PCYT1B: variants seen among roughly 807,000 people sequenced by gnomAD.
The protein encoded by PCYT1B is phosphate cytidylyltransferase 1B, choline, also known as choline-phosphate cytidylyltransferase B.
In PCYT1B, 10 loss-of-function variants were observed where a neutral mutation model predicts 26.4. The ratio of observed to expected loss-of-function variants is 0.38; its 90% confidence interval spans 0.23 to 0.64. The LOEUF (loss-of-function observed/expected upper bound fraction) is 0.64, where lower values mean the gene tolerates loss of function less well. PCYT1B is among the 30% of genes least tolerant of loss of function. The pLI is 0.56. For missense variants in PCYT1B, 161 were observed against 292.7 expected, an observed-to-expected ratio of 0.55 and a Z score of 3.28; for synonymous variants, 131 against 108.4, an observed-to-expected ratio of 1.21 and a Z score of -1.29.
intron 1 of PCYT1B, among the ~76,000 whole-genome samples, chrX:24,666,099 G>A (rs1183212966): frequency 1.8e-5 from 2 of 111,136 alleles, no homozygotes; most frequent in Non-Finnish European, 3.8e-5. Context: ...GGGTCAAGTT[G>A]GAGTTGGTCC....
At chrX:24,641,139 G>T (rs1402703854) in intron 1 of PCYT1B, among the ~76,000 whole-genome samples, 2 of 111,260 alleles carry the variant, frequency 1.8e-5, no homozygotes, top group Admixed American at 1.9e-4. Flanking sequence ...TCACCAGGTT[G>T]GCCAGGCTGG....
intron 1 of PCYT1B, chrX:24,657,952 A>G (rs1025222418): frequency 9.0e-6 from 1 of 111,661 alleles, no homozygotes; most frequent in African/African-American, 3.3e-5. Context: ...GGGTGACCAT[A>G]TGTACACTTC....
In PCYT1B at chrX:24,561,962, G is replaced by T. The variant is rs3196061; in HGVS notation, c.*331C>A. ...GCTGCCACAGGTGGTTTACTTGGTG[G>T]GGGTGGTGGAAGGACCAAAGCAGAA... On this transcript the variant is annotated 3_prime_UTR_variant, in exon 8 of 8. Coordinates refer to ENST00000379144, the MANE Select transcript of PCYT1B (RefSeq NM_004845.5). 3.1e-6 allele frequency: 2 copies of T among 637,573 alleles called. No homozygotes were observed. Among genetic ancestry groups the T allele is most frequent in the Non-Finnish European group, 5.0e-6 (2 of 398,529 alleles). 52.5% of individuals were successfully genotyped at this position (637,573 alleles called of 1,213,427 possible). A position where few individuals can be genotyped will look rare whatever the true frequency, so the allele number is the denominator to read the frequency against.
intron 1 of PCYT1B, among the ~76,000 whole-genome samples, chrX:24,654,787 AGAAG>A (rs1457938499): frequency 1.9e-5 from 2 of 105,554 alleles, no homozygotes; most frequent in African/African-American, 6.9e-5. Flanking sequence ...TGTATCATGA[AGAAG>A]GAAGGGAGGA....
At position 24,559,358 on chromosome X, in the gene PCYT1B, G is replaced by A. The variant is rs1602139841; in HGVS notation, c.*2935C>T. 4 of 79,036 alleles carry A rather than the reference G, an allele frequency of 5.1e-5. No individual in the cohort carries two copies. Among genetic ancestry groups the A allele is most frequent in the African/African-American group, 9.4e-5 (2 of 21,202 alleles). The allele number at this position is 79,036 out of a possible 1,213,427, so 6.5% of individuals were successfully genotyped here. ...GAAAGAAAGAAGAAAGAACAAAGAA[G>A]AATGAAAGAAAGAAGGAAGAAAGAG... On this transcript the variant is annotated 3_prime_UTR_variant, in exon 8 of 8. Coordinates refer to ENST00000379144, the MANE Select transcript of PCYT1B (RefSeq NM_004845.5).
chrX:24,596,591 CAAA>C (rs1160915316), intron 3 of PCYT1B, among the ~76,000 whole-genome samples: 1 of 53,107 alleles, frequency 1.9e-5, no homozygotes, highest in Admixed American at 2.3e-4. Flanking sequence ...GACTCCATCT[CAAA>C]AAAAAAAAAA....
intron 5 of PCYT1B, among the ~76,000 whole-genome samples, chrX:24,585,267 T>C (rs761165938): frequency 9.0e-6 from 1 of 111,503 alleles, no homozygotes; most frequent in South Asian, 3.9e-4. Flanking sequence ...TGGCACCTTG[T>C]TTATGGCCAG....
chrX:24,638,170 C>G (rs1296321086), intron 1 of PCYT1B, among the ~76,000 whole-genome samples: 2 of 111,589 alleles, frequency 1.8e-5, no homozygotes, highest in African/African-American at 3.3e-5. Context: ...GCATGAATTA[C>G]CGAGTAGAAA....
chrX:24,574,920 C>T (rs976415700), intron 7 of PCYT1B, among the ~76,000 whole-genome samples: 3 of 112,110 alleles, frequency 2.7e-5, no homozygotes, highest in East Asian at 2.8e-4. Context: ...TGAAACCAGA[C>T]GTGGCTTTGT....
intron 1 of PCYT1B, among the ~76,000 whole-genome samples, chrX:24,639,954 T>C (rs1376901154): frequency 9.0e-6 from 1 of 111,293 alleles, no homozygotes; most frequent in African/African-American, 3.3e-5. Context: ...CAAGTTGCTA[T>C]CATCTTAAAA....
chrX:24,602,834 C>T (rs1409266096), intron 3 of PCYT1B, among the ~76,000 whole-genome samples: 3 of 111,266 alleles, frequency 2.7e-5, no homozygotes, highest in African/African-American at 6.5e-5. Flanking sequence ...GATGGCGTCT[C>T]GCTCTGTCAC....
upstream of PCYT1B, among the ~76,000 whole-genome samples, chrX:24,651,466 AAAAAAAATATATATATATAT>A (rs1214535297): frequency 8.0e-4 from 23 of 28,643 alleles, no homozygotes; most frequent in African/African-American, 2.6e-3. Flanking sequence ...AAAAAAAAAA[AAAAAAAATATATATATATAT>A]ATATATATAT....
intron 1 of PCYT1B, among the ~76,000 whole-genome samples, chrX:24,622,344 A>T (rs1013541678): frequency 1.4e-4 from 16 of 110,911 alleles, no homozygotes; most frequent in Admixed American, 2.9e-4. Flanking sequence ...GATTACAATT[A>T]AAAAAAAACT....
At chrX:24,633,921 C>A (rs1306200001) in intron 1 of PCYT1B, among the ~76,000 whole-genome samples, 3 of 110,708 alleles carry the variant, frequency 2.7e-5, no homozygotes, top group African/African-American at 9.9e-5. Flanking sequence ...AGAAAAATAT[C>A]TATTTTTGTT....
chrX:24,623,832 G>A (rs1054227784), intron 1 of PCYT1B, among the ~76,000 whole-genome samples: 5 of 111,310 alleles, frequency 4.5e-5, no homozygotes, highest in Non-Finnish European at 9.4e-5. Context: ...GCTAGAACCT[G>A]CACTTATGCA....
At chrX:24,645,542 A>G (rs1035043415) in intron 1 of PCYT1B, among the ~76,000 whole-genome samples, 6 of 111,120 alleles carry the variant, frequency 5.4e-5, no homozygotes, top group African/African-American at 2.0e-4. Flanking sequence ...ATTTATGTGT[A>G]TATATGTATA....
intron 2 of PCYT1B, 134 bp downstream of exon 2, chrX:24,618,851 A>T (rs1320269006): frequency 2.9e-6 from 1 of 340,822 alleles, no homozygotes; most frequent in Non-Finnish European, 5.2e-6. Context: ...CAAACTCCTG[A>T]CCTCAAGGTG....
chrX:24,628,279 A>C (rs1345443965), intron 1 of PCYT1B, among the ~76,000 whole-genome samples: 1 of 111,561 alleles, frequency 9.0e-6, no homozygotes, highest in Non-Finnish European at 1.9e-5. Context: ...TAAGAAAGCA[A>C]GGACTTGGTC....
At chrX:24,567,351 C>T (rs1569236020) in intron 7 of PCYT1B, among the ~76,000 whole-genome samples, 1 of 112,283 alleles carries the variant, frequency 8.9e-6, no homozygotes, top group Non-Finnish European at 1.9e-5. Context: ...CCTCAATTTG[C>T]CAGCTCTCTG....
Sources: gnomAD v4.1 joint callset for allele counts (sites outside exome capture counted in the v4.1 genomes callset) on GRCh38, gnomAD v4.1.1 for gene constraint, MANE v1.5 for transcripts, NCBI Gene and HGNC (gene_info 2026-07-23, HGNC 2026-07-21) for gene names.